The following CPS1 variants were observed in gnomAD, a reference collection of about 807,000 sequenced individuals.
The protein encoded by CPS1 is carbamoyl-phosphate synthase 1.
CPS1 carries 109 observed loss-of-function variants against 174.6 expected under a neutral mutation model. That is an observed-to-expected ratio of 0.62 (90% CI 0.53 to 0.73). The LOEUF (loss-of-function observed/expected upper bound fraction) is 0.73. Ranked by LOEUF, CPS1 falls within the 30% of genes least tolerant of loss-of-function variation. The probability of loss-of-function intolerance (pLI) is 0.00; values close to 1 mark genes in which losing one functional copy is unlikely to be tolerated. For synonymous variants in CPS1, 637 were observed against 632.0 expected, an observed-to-expected ratio of 1.01 and a Z score of -0.12; for missense variants, 1,689 against 1,821.9, an observed-to-expected ratio of 0.93 and a Z score of 1.33.
intron 32 of CPS1, among the ~76,000 whole-genome samples, chr2:210,661,727 AT>A (rs1320320343): frequency 6.6e-6 from 1 of 151,752 alleles, no homozygotes; most frequent in Non-Finnish European, 1.5e-5. Flanking sequence ...AAATAGAGAA[AT>A]TTTTTTTGAG....
intron 4 of CPS1, 89 bp from the exon 5 acceptor site, chr2:210,579,625 G>A: frequency 1.0e-6 from 1 of 981,674 alleles, no homozygotes; most frequent in Non-Finnish European, 1.6e-6. Flanking sequence ...TGCTCAAGAA[G>A]ATAGATGAGG....
chr2:210,591,728 G>C, intron 9 of CPS1, 103 bp from the exon 10 acceptor site: 1 of 1,300,880 alleles, frequency 7.7e-7, no homozygotes, highest in South Asian at 1.3e-5. Context: ...TTGAAATTTT[G>C]AATTTTAATA....
chr2:210,593,950 A>T (rs1021068768), intron 11 of CPS1, among the ~76,000 whole-genome samples: 5 of 151,926 alleles, frequency 3.3e-5, no homozygotes, highest in Non-Finnish European at 5.9e-5. Context: ...GAACATTGCA[A>T]TTAAGATGTA....
At chr2:210,652,379 C>A (rs1342045836) in intron 28 of CPS1, among the ~76,000 whole-genome samples, 2 of 152,002 alleles carry the variant, frequency 1.3e-5, no homozygotes, top group African/African-American at 4.8e-5. Context: ...GGGGCAAGAC[C>A]AAATTCATGG....
rs1213751538 is a variant in CPS1, at chr2:210,648,458, G to A, written c.3337-15G>A. The A allele has an allele frequency of 3.1e-6, 5 of 1,603,802 alleles. No individual in the cohort carries two copies. Among genetic ancestry groups the A allele is most frequent in the Non-Finnish European group, 4.3e-6 (5 of 1,171,432 alleles). On this transcript the variant is annotated splice_polypyrimidine_tract_variant and intron_variant, in intron 26 of 37. Coordinates refer to ENST00000233072, the MANE Select transcript of CPS1 (RefSeq NM_001875.5). ...AAACTACTCATACATTTTTATTGTTGTTTCTATTAATTAGAATGAAGCACT... is the reference window on the plus strand; with the variant it reads ...AAACTACTCATACATTTTTATTGTTATTTCTATTAATTAGAATGAAGCACT...
intron 1 of CPS1, among the ~76,000 whole-genome samples, chr2:210,513,938 T>C (rs1428012720): frequency 6.6e-6 from 1 of 152,086 alleles, no homozygotes. Context: ...ATTTATTGAA[T>C]AGGAAGTTCT....
chr2:210,563,491 T>A (rs919320565), intron 1 of CPS1, among the ~76,000 whole-genome samples: 2 of 152,154 alleles, frequency 1.3e-5, no homozygotes, highest in African/African-American at 4.8e-5. Flanking sequence ...CTTCCTCTTA[T>A]AGTCCTGTAA....
At chr2:210,598,915 T>C (rs6754909) in intron 13 of CPS1, among the ~76,000 whole-genome samples, 3,230 of 152,046 alleles carry the variant, frequency 0.021, 99 homozygotes, top group Middle Eastern at 0.068. Flanking sequence ...AATATACATT[T>C]TTCTCATTGC....
chr2:210,521,974 A>T (rs988878230), intron 1 of CPS1, among the ~76,000 whole-genome samples: 1 of 151,916 alleles, frequency 6.6e-6, no homozygotes, highest in East Asian at 1.9e-4. Context: ...TCTTGCTCTT[A>T]TGACTTCTTA....
chr2:210,622,376 A>C (rs1699557623), intron 21 of CPS1, among the ~76,000 whole-genome samples: 1 of 151,890 alleles, frequency 6.6e-6, no homozygotes, highest in South Asian at 2.1e-4. Context: ...ATATATGTAA[A>C]CATAAGCATA....
intron 1 of CPS1, among the ~76,000 whole-genome samples, chr2:210,533,092 G>T (rs1696156944): frequency 6.6e-6 from 1 of 152,186 alleles, no homozygotes; most frequent in East Asian, 1.9e-4. Flanking sequence ...AGATTTTCTT[G>T]GAGAGTAGTG....
At chr2:210,498,719 A>G (rs1278355042) in intron 1 of CPS1, among the ~76,000 whole-genome samples, 1 of 152,140 alleles carries the variant, frequency 6.6e-6, no homozygotes, top group African/African-American at 2.4e-5. Context: ...AGTTCTCTGC[A>G]TGGGGATGGA....
chr2:210,548,025 A>G (rs1321907222), intron 1 of CPS1, among the ~76,000 whole-genome samples: 1 of 152,062 alleles, frequency 6.6e-6, no homozygotes, highest in Non-Finnish European at 1.5e-5. Flanking sequence ...ACAGACATTT[A>G]TGGACAAGTA....
At chr2:210,517,823 C>A (rs1219434816) in intron 1 of CPS1, among the ~76,000 whole-genome samples, 1 of 151,942 alleles carries the variant, frequency 6.6e-6, no homozygotes, top group Non-Finnish European at 1.5e-5. Flanking sequence ...TGTCAAAACT[C>A]TTATGGCTAT....
chr2:210,600,950 A>G (rs1698704349), intron 15 of CPS1, among the ~76,000 whole-genome samples: 1 of 151,954 alleles, frequency 6.6e-6, no homozygotes, highest in Admixed American at 6.6e-5. Flanking sequence ...GTGGTTTATC[A>G]AGGCTTGAAG....
chr2:210,639,337 G>A (rs1700136482), intron 23 of CPS1, 122 bp downstream of exon 23: 2 of 814,038 alleles, frequency 2.5e-6, no homozygotes, highest in Non-Finnish European at 4.1e-6. Flanking sequence ...TCATGGCCGG[G>A]CGCGGTGGCT....
At chr2:210,648,428 A>T in intron 26 of CPS1, 45 bp from the exon 27 acceptor site, 1 of 1,487,498 alleles carries the variant, frequency 6.7e-7, no homozygotes, top group Non-Finnish European at 9.4e-7. Flanking sequence ...TTTATTGCAT[A>T]TTTTAAACTA....
chr2:210,514,178 T>C (rs1695608925), intron 1 of CPS1, among the ~76,000 whole-genome samples: 2 of 152,044 alleles, frequency 1.3e-5, no homozygotes. Flanking sequence ...TCTTTTTTGG[T>C]TCCATATGAA....
chr2:210,660,117 G>A (rs991722452), intron 31 of CPS1, among the ~76,000 whole-genome samples: 1 of 152,124 alleles, frequency 6.6e-6, no homozygotes, highest in Non-Finnish European at 1.5e-5. Flanking sequence ...GATAAAGACA[G>A]TGAGGTCTCC....
Sources: allele counts gnomAD v4.1 joint callset (sites outside exome capture counted in the v4.1 genomes callset), GRCh38; gene constraint gnomAD v4.1.1; transcripts MANE v1.5; gene names NCBI Gene and HGNC (gene_info 2026-07-23, HGNC 2026-07-21).